FAP: variants seen among roughly 807,000 people sequenced by gnomAD.
FAP encodes the protein fibroblast activation protein alpha.
In FAP, 110 loss-of-function variants were observed where a neutral mutation model predicts 126.5. The observed-to-expected ratio is 0.87, with a 90% CI of 0.74 to 1.02. FAP has a LOEUF of 1.02. Among genes scored for constraint, FAP ranks in the 50% least tolerant of loss-of-function variants. FAP has a pLI of 0.00. For synonymous variants in FAP, 334 were observed against 297.3 expected (o/e 1.12, Z -1.27); for missense variants, 919 against 909.2 (o/e 1.01, Z -0.14).
chr2:162,206,736 G>C (rs979348095), intron 12 of FAP, among the ~76,000 whole-genome samples: 10 of 152,206 alleles, frequency 6.6e-5, no homozygotes, highest in African/African-American at 2.4e-4. Context: ...TGTTTTAAAA[G>C]CAATTTTGTT....
At chr2:162,198,136 G>T (rs1688331654) in intron 16 of FAP, 1 of 1,245,732 alleles carries the variant, frequency 8.0e-7, no homozygotes, top group Non-Finnish European at 1.0e-6. Flanking sequence ...ATGTTTTGTA[G>T]ATTTTATTAC....
Position 162,189,702 on chromosome 2 carries a change from G to T in FAP, c.1503C>A (p.Ile501=), listed in dbSNP as rs751334991. Residue 501 remains isoleucine, a synonymous_variant, in exon 18 of 26, where the codon ATC becomes ATA. Transcript: ENST00000188790. The stretch of plus-strand genomic sequence containing the variant: ...TCTTAATTTCCTCTTTAGGCAGCTG[G>T]ATATTTTTCAAAGCATTTTCCAATT... ...NKELENALKN[I]QLPKEEIKKL... is the part of the protein sequence containing the mutation. 2 of 1,592,640 alleles carry T rather than the reference G, an allele frequency of 1.3e-6. No individual in the cohort carries two copies. Among genetic ancestry groups the T allele is most frequent in the Admixed American group, 1.7e-5 (1 of 58,180 alleles).
At chr2:162,229,406 A>G (rs1689799195) in intron 2 of FAP, among the ~76,000 whole-genome samples, 1 of 152,182 alleles carries the variant, frequency 6.6e-6, no homozygotes, top group South Asian at 2.1e-4. Flanking sequence ...CTAAAACCAC[A>G]GTTTGAGAAA....
At chr2:162,233,053 C>A (rs1689962219) in intron 2 of FAP, among the ~76,000 whole-genome samples, 2 of 152,136 alleles carry the variant, frequency 1.3e-5, no homozygotes, top group Middle Eastern at 3.4e-3. Flanking sequence ...CTGGGCTGAC[C>A]CACCCCCTCA....
At chr2:162,188,511 T>G (rs1687930918) in intron 19 of FAP, 148 bp from the exon 20 acceptor site, 1 of 726,400 alleles carries the variant, frequency 1.4e-6, no homozygotes, top group Non-Finnish European at 2.2e-6. Context: ...TCAAGAGGAG[T>G]CCAGGCTTTT....
At chr2:162,192,785 A>G (rs1279892115) in intron 17 of FAP, among the ~76,000 whole-genome samples, 1 of 152,136 alleles carries the variant, frequency 6.6e-6, no homozygotes, top group Non-Finnish European at 1.5e-5. Context: ...CTATTTCAGT[A>G]AAAAACCATT....
intron 16 of FAP, 71 bp downstream of exon 16, chr2:162,198,686 T>A: frequency 6.5e-7 from 1 of 1,543,686 alleles, no homozygotes; most frequent in Non-Finnish European, 8.9e-7. Context: ...TACGAATTGA[T>A]CAGATAGAGG....
At chr2:162,232,381 A>G (rs1485134304) in intron 2 of FAP, among the ~76,000 whole-genome samples, 3 of 152,216 alleles carry the variant, frequency 2.0e-5, no homozygotes, top group Admixed American at 6.5e-5. Context: ...ATTCAGCTGC[A>G]TCTGGTTTTA....
At chr2:162,205,053 C>T (rs997695531) in intron 12 of FAP, among the ~76,000 whole-genome samples, 7 of 152,276 alleles carry the variant, frequency 4.6e-5, no homozygotes, top group African/African-American at 1.7e-4. Context: ...TGTAGCCAAC[C>T]AGTGGTTTAT....
chr2:162,230,529 T>C (rs1328985148), intron 2 of FAP, among the ~76,000 whole-genome samples: 1 of 151,844 alleles, frequency 6.6e-6, no homozygotes, highest in Non-Finnish European at 1.5e-5. Flanking sequence ...ATTTGCTGAA[T>C]TAAAAAAAAA....
intron 19 of FAP, among the ~76,000 whole-genome samples, chr2:162,188,816 T>C (rs1368653610): frequency 6.6e-6 from 1 of 152,132 alleles, no homozygotes; most frequent in Non-Finnish European, 1.5e-5. Context: ...AATATTTTTT[T>C]TGGCTGCAAT....
intron 20 of FAP, among the ~76,000 whole-genome samples, chr2:162,185,593 G>A (rs748334044): frequency 1.3e-4 from 20 of 152,018 alleles, no homozygotes; most frequent in Admixed American, 2.0e-4. Context: ...GTTATAAGAC[G>A]ATATGACTTC....
chr2:162,181,450 T>C (rs1687693853), intron 21 of FAP, among the ~76,000 whole-genome samples: 1 of 151,924 alleles, frequency 6.6e-6, no homozygotes, highest in Non-Finnish European at 1.5e-5. Flanking sequence ...CTTTAGACTT[T>C]TGAAGTTTCA....
chr2:162,175,225 T>G (rs1687443932), intron 21 of FAP: 1 of 228,482 alleles, frequency 4.4e-6, no homozygotes, highest in Non-Finnish European at 8.5e-6. Flanking sequence ...TAGGAGCAGT[T>G]TAAGAGATAG....
chr2:162,221,837 TTA>T, intron 6 of FAP: 2 of 425,982 alleles, frequency 4.7e-6, no homozygotes, highest in Non-Finnish European at 9.3e-6. Context: ...TGCTAGATTT[TTA>T]TAGAGTCTTC....
intron 21 of FAP, among the ~76,000 whole-genome samples, chr2:162,183,130 G>A (rs1296914703): frequency 1.3e-5 from 2 of 151,856 alleles, no homozygotes; most frequent in Non-Finnish European, 2.9e-5. Context: ...ACCCTCTGAC[G>A]GATATGGTTC....
At chr2:162,187,147 A>T (rs1485212167) in intron 20 of FAP, among the ~76,000 whole-genome samples, 1 of 151,936 alleles carries the variant, frequency 6.6e-6, no homozygotes, top group African/African-American at 2.4e-5. Context: ...GTGAGTCTAA[A>T]CTCTTCTGCT....
In FAP at chr2:162,183,474, G is replaced by T. The variant is rs746482757; in HGVS notation, c.1815-6C>A. 6 of 1,590,426 alleles carry T rather than the reference G, an allele frequency of 3.8e-6. No homozygotes were observed. The highest frequency in any genetic ancestry group is 1.7e-5 in the Admixed American group (1 of 59,526). ...AACCCATTTCTATGAATTTTCTAAA[G>T]TAAAAGAAACAAATTTTTAGAATGT... On this transcript the variant is annotated splice_region_variant and splice_polypyrimidine_tract_variant and intron_variant, in intron 20 of 25. Transcript: ENST00000188790.
At chr2:162,178,228 T>G (rs1237508171) in intron 21 of FAP, among the ~76,000 whole-genome samples, 1 of 152,222 alleles carries the variant, frequency 6.6e-6, no homozygotes, top group Non-Finnish European at 1.5e-5. Context: ...ACCACCTGGC[T>G]AGGCCTATAT....
Sources: allele counts gnomAD v4.1 joint callset (sites outside exome capture counted in the v4.1 genomes callset), GRCh38; gene constraint gnomAD v4.1.1; transcripts MANE v1.5; gene names NCBI Gene and HGNC (gene_info 2026-07-23, HGNC 2026-07-21).